Variants in ADAMTSL2 observed in about 807,000 individuals in gnomAD.
ADAMTSL2 encodes the protein ADAMTS-like protein 2.
Under a neutral mutation model 117.0 loss-of-function variants are expected in ADAMTSL2, and 55 were observed. The observed-to-expected ratio is 0.47, with a 90% CI of 0.38 to 0.59. The LOEUF is 0.59. Among genes scored for constraint, ADAMTSL2 ranks in the 20% least tolerant of loss-of-function variants. The pLI is 0.00. For missense variants in ADAMTSL2, 1,182 were observed against 1,354.5 expected, an observed-to-expected ratio of 0.87 and a Z score of 2.00; for synonymous variants, 572 against 566.4, an observed-to-expected ratio of 1.01 and a Z score of -0.14.
chr9:133,559,652 C>G lies in ADAMTSL2; in HGVS notation c.1650-1546C>G, dbSNP rs904839215. On this transcript the variant is annotated intron_variant, in intron 11 of 18. Transcript: ENST00000651351. ...CAGGCAAGAGTCACTGCGCCTGGCCCCCACCCCCATTTTTAAAGCTTCCTC... is the reference window on the plus strand; with the variant it reads ...CAGGCAAGAGTCACTGCGCCTGGCCGCCACCCCCATTTTTAAAGCTTCCTC... Among the ~76,000 whole-genome samples, 358 of 152,016 alleles carry G rather than the reference C, an allele frequency of 2.4e-3. 1 individual carries two copies. The highest frequency in any genetic ancestry group is 8.1e-3 in the African/African-American group (334 of 41,472).
At chr9:133,565,168 G>A (rs933796097) in intron 12 of ADAMTSL2, among the ~76,000 whole-genome samples, 10 of 152,190 alleles carry the variant, frequency 6.6e-5, no homozygotes, top group Admixed American at 3.3e-4. Context: ...GAGGGGCTCC[G>A]TGGCTCAGGG....
intron 11 of ADAMTSL2, among the ~76,000 whole-genome samples, chr9:133,559,177 G>T (rs1830671366): frequency 6.6e-6 from 1 of 152,210 alleles, no homozygotes; most frequent in Non-Finnish European, 1.5e-5. Flanking sequence ...GCACAGTTTA[G>T]TGTTTTCTGA....
At chr9:133,546,921 G>C in intron 8 of ADAMTSL2, 117 bp from the exon 9 acceptor site, 1 of 1,075,118 alleles carries the variant, frequency 9.3e-7, no homozygotes, top group Non-Finnish European at 1.4e-6. Context: ...TCCTGTCTCG[G>C]GAGCATTTGA....
At chr9:133,568,571 A>G (rs2131180680) in intron 14 of ADAMTSL2, 32 bp from the exon 15 acceptor site, 1 of 1,552,854 alleles carries the variant, frequency 6.4e-7, no homozygotes, top group Middle Eastern at 2.1e-4. Context: ...CCTGTGTCAC[A>G]CCCCCCCTGC....
Position 133,574,254 on chromosome 9 carries a change from G to A in ADAMTSL2, c.2737+267G>A, listed in dbSNP as rs983744020. Among the ~76,000 whole-genome samples, 6 of 152,324 alleles carry A rather than the reference G, an allele frequency of 3.9e-5. No individual in the cohort carries two copies. In the South Asian group the frequency reaches 1.0e-3, roughly 26 times the overall value. On this transcript the variant is annotated intron_variant, in intron 18 of 18. Coordinates refer to ENST00000651351, the MANE Select transcript of ADAMTSL2 (RefSeq NM_014694.4). ...TGCTGAGACCTGTACTTTGGGAAAA[G>A]GGTCAGCTTCAGATGGCAGGGCCAC...
rs762086890 is a variant in ADAMTSL2 at position 133,554,578 on chromosome 9, C to G, written c.1161C>G (p.Gly387=). The change falls in exon 10 of 19, where the codon GGC becomes GGG. Residue 387 remains glycine, a synonymous_variant. Coordinates refer to ENST00000651351, the MANE Select transcript of ADAMTSL2 (RefSeq NM_014694.4). The surrounding 1 kb of genome is among the most constrained non-coding windows in gnomAD (Gnocchi z 5.2). ...ERLGLDNRLF[G]HPGLDMELGP... Reference sequence around the variant, plus strand: ...TGGGCCTGGACAACCGGCTGTTCGGCCACCCGGGCCTGGACATGGAGCTGG... The same window carrying G: ...TGGGCCTGGACAACCGGCTGTTCGGGCACCCGGGCCTGGACATGGAGCTGG... 4 of 1,546,722 alleles carry G rather than the reference C, an allele frequency of 2.6e-6. No homozygotes were observed. The South Asian group carries it at 4.8e-5, about 18-fold the overall frequency.
intron 2 of ADAMTSL2, among the ~76,000 whole-genome samples, chr9:133,537,180 C>T (rs548111897): frequency 3.9e-5 from 6 of 152,314 alleles, no homozygotes; most frequent in African/African-American, 1.4e-4. Flanking sequence ...CCATCCTGGA[C>T]CTTAAGGTCA....
At chr9:133,536,868 A>T in intron 2 of ADAMTSL2, 66 bp downstream of exon 2, 1 of 1,609,650 alleles carries the variant, frequency 6.2e-7, no homozygotes, top group East Asian at 2.2e-5. Context: ...GATCACTCTC[A>T]GATGGACTGG....
Position 133,573,855 on chromosome 9 carries a change from T to G in ADAMTSL2, c.2605T>G (p.Cys869Gly). Residue 869 changes from cysteine (C) to glycine (G), a missense_variant, in exon 18 of 19, where the codon TGC (cysteine) becomes GGC (glycine). By Grantham distance (159) the Cys-to-Gly change is radical. Transcript: ENST00000651351. ...TSPWSECTKTCGVGVRMRDVK... is the reference protein window; with the variant it reads ...TSPWSECTKTGGVGVRMRDVK... ...TCTCCCACACCAGTGCACCAAGACC[T>G]GCGGGGTGGGCGTGAGGATGCGAGA... is the stretch of plus-strand genomic sequence containing the variant. The G allele has an allele frequency of 6.2e-7, 1 of 1,613,964 alleles. No homozygotes were observed. The highest frequency in any genetic ancestry group is 8.5e-7 in the Non-Finnish European group (1 of 1,179,980).
At chr9:133,556,034 G>T in intron 11 of ADAMTSL2, 104 bp downstream of exon 11, 1 of 1,444,488 alleles carries the variant, frequency 6.9e-7, no homozygotes, top group South Asian at 1.3e-5. Flanking sequence ...GGCCAGAAGG[G>T]CTGAGGTCCT....
At chr9:133,562,951 G>A (rs1449471743) in intron 12 of ADAMTSL2, among the ~76,000 whole-genome samples, 1 of 142,500 alleles carries the variant, frequency 7.0e-6, no homozygotes, top group Non-Finnish European at 1.5e-5. Context: ...GGCTCGCACC[G>A]CTGTGGGCGG....
chr9:133,574,063 G>A, intron 18 of ADAMTSL2, 76 bp downstream of exon 18: 1 of 1,531,756 alleles, frequency 6.5e-7, no homozygotes, highest in Non-Finnish European at 8.8e-7. Flanking sequence ...CCTGAGGGGT[G>A]AGCAGACATT....
At chr9:133,533,626 C>T (rs1432121096), upstream of ADAMTSL2, among the ~76,000 whole-genome samples, 1 of 152,194 alleles carries the variant, frequency 6.6e-6, no homozygotes, top group African/African-American at 2.4e-5. Flanking sequence ...TCCTTCCCAG[C>T]CTTTCTGGTG....
At chr9:133,533,389 G>A (rs545526360), upstream of ADAMTSL2, among the ~76,000 whole-genome samples, 25 of 152,158 alleles carry the variant, frequency 1.6e-4, no homozygotes, top group Non-Finnish European at 1.0e-4. Flanking sequence ...CGAGGGTCCC[G>A]GGGAGAGAAA....
intron 11 of ADAMTSL2, among the ~76,000 whole-genome samples, chr9:133,559,437 A>G (rs1830678183): frequency 1.5e-5 from 2 of 136,240 alleles, no homozygotes; most frequent in African/African-American, 2.8e-5. Context: ...TCTGCCTCCC[A>G]GGTTCATGCC....
intron 4 of ADAMTSL2, among the ~76,000 whole-genome samples, chr9:133,539,554 G>A (rs1329236851): frequency 8.5e-6 from 1 of 117,438 alleles, no homozygotes; most frequent in Non-Finnish European, 1.8e-5. Context: ...GGCTGGCGTG[G>A]GGGGCGGAGC....
chr9:133,570,642 C>G, intron 17 of ADAMTSL2, 135 bp downstream of exon 17: 1 of 999,176 alleles, frequency 1.0e-6, no homozygotes, highest in Non-Finnish European at 1.5e-6. Flanking sequence ...CTTTCCTTCC[C>G]GGGAAAGCTT....
rs1228168532 is a variant in ADAMTSL2 at position 133,561,097 on chromosome 9, C to T, written c.1650-101C>T. 25 of 993,328 alleles carry T rather than the reference C, an allele frequency of 2.5e-5. 1 individual carries two copies. The East Asian group carries it at 5.2e-4, about 21-fold the overall frequency. The allele number at this position is 993,328 out of a possible 1,614,324, so 61.5% of individuals were successfully genotyped here. ...GCTCAGGACAGGTGTGTGCTTCAGG[C>T]GAACATACCCTCCGAAGAAAACTCC... On this transcript the variant is annotated intron_variant, in intron 11 of 18. Coordinates refer to ENST00000651351, the MANE Select transcript of ADAMTSL2 (RefSeq NM_014694.4).
chr9:133,539,146 C>T (rs1385514065), intron 4 of ADAMTSL2, among the ~76,000 whole-genome samples: 1 of 152,116 alleles, frequency 6.6e-6, no homozygotes, highest in South Asian at 2.1e-4. Flanking sequence ...GTGGCCACCG[C>T]TTCTGTGTTG....
Sources: gnomAD v4.1 joint callset for allele counts (sites outside exome capture counted in the v4.1 genomes callset) on GRCh38, gnomAD v4.1.1 for gene constraint, Gnocchi (gnomAD v3.1) non-coding constraint, MANE v1.5 for transcripts, NCBI Gene and HGNC (gene_info 2026-07-23, HGNC 2026-07-21) for gene names.